The following TP63 variants were observed in gnomAD, a reference collection of about 807,000 sequenced individuals.
TP63 encodes tumor protein p63.
TP63 carries 17 observed loss-of-function variants against 82.8 expected under a neutral mutation model. That is an observed-to-expected ratio of 0.21 (90% CI 0.14 to 0.31). The LOEUF is 0.31. TP63 is among the 10% of genes least tolerant of loss of function. The pLI is 1.00. For missense variants in TP63, 648 were observed against 895.3 expected (o/e 0.72, Z 3.52); for synonymous variants, 330 against 321.7 (o/e 1.03, Z -0.28).
chr3:189,732,958 CTAAG>C (rs1460625096), intron 1 of TP63, among the ~76,000 whole-genome samples: 10 of 152,226 alleles, frequency 6.6e-5, no homozygotes, highest in African/African-American at 2.4e-4. Flanking sequence ...CTAGGAAGTA[CTAAG>C]TAAGGAAGAG....
chr3:189,700,047 T>C (rs1717685233), intron 1 of TP63, among the ~76,000 whole-genome samples: 1 of 152,220 alleles, frequency 6.6e-6, no homozygotes, highest in African/African-American at 2.4e-5. Context: ...GTAAATCCCC[T>C]TGTGCCTTTA....
rs541718227 is a variant in TP63 at position 189,852,561 on chromosome 3, C to T, written c.580-11671C>T. On this transcript the variant is annotated intron_variant, in intron 4 of 13. Transcript: ENST00000264731. ...TTTAGTAAATCCAAAGAGTTTCCCC[C>T]ATCATTTTCCCTTTTCATTCATTTC... Among the ~76,000 whole-genome samples the T allele has an allele frequency of 3.3e-5, 5 of 152,288 alleles. No homozygotes were observed. The South Asian group carries it at 8.3e-4, about 25-fold the overall frequency.
At chr3:189,601,247 T>A in the TP63 span, among the ~76,000 whole-genome samples, 1 of 152,156 alleles carries the variant, frequency 6.6e-6, no homozygotes. Flanking sequence ...GAGGGAACTT[T>A]AAAGCTTCTA....
In TP63 at chr3:189,867,950, G is replaced by A. The variant is rs192488893; in HGVS notation, c.992+8G>A. 17 of 1,610,434 alleles carry A rather than the reference G, an allele frequency of 1.1e-5. No individual in the cohort carries two copies. The East Asian group carries it at 1.1e-4, about 11-fold the overall frequency. ...TACTCTGGAAACCAGAGAGTAAGTG[G>A]CGTATGTAAAATTGTCATTCTACAC... On this transcript the variant is annotated splice_region_variant and intron_variant, in intron 7 of 13. Transcript: ENST00000264731.
At chr3:189,618,648 C>T in the TP63 span, among the ~76,000 whole-genome samples, 2 of 152,188 alleles carry the variant, frequency 1.3e-5, no homozygotes, top group African/African-American at 4.8e-5. Context: ...AGCTCTGAGA[C>T]ACAGAGGAGA....
chr3:189,621,588 C>T, the TP63 span, among the ~76,000 whole-genome samples: 8 of 151,484 alleles, frequency 5.3e-5, no homozygotes, highest in Non-Finnish European at 1.2e-4. Context: ...TACATATACA[C>T]ATATACACAT....
chr3:189,631,496 A>G lies in TP63; in HGVS notation c.-20A>G. 6.2e-7 allele frequency: 1 copy of G among 1,612,486 alleles called. No individual in the cohort carries two copies. Among genetic ancestry groups the G allele is most frequent in the Admixed American group, 1.7e-5 (1 of 59,936 alleles). On this transcript the variant is annotated 5_prime_UTR_variant, in exon 1 of 14. In the 5' UTR this introduces an upstream ATG that the reference lacks. Transcript: ENST00000264731. Reference sequence around the variant, plus strand: ...ATATAATTGTTCTCCGTTCGTTGATATCAAAGACAGTTGAAGGAAATGAAT... The same window carrying G: ...ATATAATTGTTCTCCGTTCGTTGATGTCAAAGACAGTTGAAGGAAATGAAT...
At chr3:189,830,494 C>A (rs1712156167) in intron 4 of TP63, among the ~76,000 whole-genome samples, 1 of 152,180 alleles carries the variant, frequency 6.6e-6, no homozygotes, top group South Asian at 2.1e-4. Flanking sequence ...AGTTGAAAGT[C>A]ATCACTTTTC....
At chr3:189,720,660 G>A (rs1719311381) in intron 1 of TP63, among the ~76,000 whole-genome samples, 1 of 150,212 alleles carries the variant, frequency 6.7e-6, no homozygotes, top group Non-Finnish European at 1.5e-5. Context: ...CTTGAACCCA[G>A]GAGGTGAAGG....
intron 10 of TP63, chr3:189,880,780 G>A: frequency 1.0e-6 from 1 of 985,426 alleles, no homozygotes; most frequent in Non-Finnish European, 1.2e-6. Flanking sequence ...TTTGTGGGTG[G>A]AGAGTTCTTT....
intron 2 of TP63, among the ~76,000 whole-genome samples, chr3:189,738,125 A>G (rs1481416233): frequency 6.6e-6 from 1 of 152,216 alleles, no homozygotes; most frequent in Non-Finnish European, 1.5e-5. Flanking sequence ...TCACTTCCCC[A>G]ATGTTTCTCT....
At position 189,885,235 on chromosome 3, in the gene TP63, T is replaced by C. The variant is rs746969207; in HGVS notation, c.1350-1159T>C. Among the ~76,000 whole-genome samples the C allele has an allele frequency of 8.8e-4, 134 of 152,188 alleles. 3 individuals carry two copies. The highest frequency in any genetic ancestry group is 2.6e-4 in the Admixed American group (4 of 15,270). ...TCATTCTGTGGTCACAGTAATTCAGTGTAGATGCTGCATAGTCTGTACATT... is the reference window on the plus strand; with the variant it reads ...TCATTCTGTGGTCACAGTAATTCAGCGTAGATGCTGCATAGTCTGTACATT... On this transcript the variant is annotated intron_variant, in intron 10 of 13. Coordinates refer to ENST00000264731, the MANE Select transcript of TP63 (RefSeq NM_003722.5).
At chr3:189,800,209 G>A (rs2108617081) in intron 3 of TP63, among the ~76,000 whole-genome samples, 1 of 152,212 alleles carries the variant, frequency 6.6e-6, no homozygotes, top group Non-Finnish European at 1.5e-5. Flanking sequence ...CTTGAAGACT[G>A]AAGGAGTTAG....
intron 3 of TP63, among the ~76,000 whole-genome samples, chr3:189,776,317 C>CGT (rs1723789522): frequency 6.6e-6 from 1 of 152,132 alleles, no homozygotes; most frequent in Admixed American, 6.5e-5. Flanking sequence ...TTTGGAACAC[C>CGT]GTGTTTCCCT....
chr3:189,637,992 A>G (rs1019684009), intron 1 of TP63, among the ~76,000 whole-genome samples: 1 of 152,162 alleles, frequency 6.6e-6, no homozygotes, highest in African/African-American at 2.4e-5. Context: ...GTCAGGAGCC[A>G]AGGAAGCTGG....
At chr3:189,742,752 C>T (rs1004976780) in intron 3 of TP63, among the ~76,000 whole-genome samples, 5 of 152,016 alleles carry the variant, frequency 3.3e-5, no homozygotes, top group African/African-American at 1.2e-4. Flanking sequence ...CTTGAGAAGA[C>T]GATAACACAG....
At chr3:189,795,794 A>G (rs751287520) in intron 3 of TP63, among the ~76,000 whole-genome samples, 17 of 152,062 alleles carry the variant, frequency 1.1e-4, no homozygotes, top group Non-Finnish European at 2.2e-4. Flanking sequence ...AAAACTTCAC[A>G]TACTCTAGGG....
At chr3:189,721,875 G>C (rs575178132) in intron 1 of TP63, among the ~76,000 whole-genome samples, 35 of 152,274 alleles carry the variant, frequency 2.3e-4, no homozygotes, top group African/African-American at 8.2e-4. Context: ...TGATTTAATT[G>C]AACTGGGGTA....
chr3:189,826,706 G>A (rs16864819), intron 4 of TP63, among the ~76,000 whole-genome samples: 13,284 of 152,116 alleles, frequency 0.087, 1,783 homozygotes, highest in African/African-American at 0.29. Context: ...CGAAACTGGT[G>A]TAACTAAGAG....
Sources: allele counts gnomAD v4.1 joint callset (sites outside exome capture counted in the v4.1 genomes callset), GRCh38; gene constraint gnomAD v4.1.1; transcripts MANE v1.5; gene names NCBI Gene and HGNC (gene_info 2026-07-23, HGNC 2026-07-21).